Variants in SCAF11 observed in about 807,000 individuals in gnomAD.
The protein encoded by SCAF11 is SR-related CTD associated factor 11, also known as protein SCAF11.
Under a neutral mutation model 140.5 loss-of-function variants are expected in SCAF11, and 47 were observed. That is an observed-to-expected ratio of 0.33 (90% CI 0.26 to 0.43). SCAF11 has a LOEUF of 0.43. SCAF11 is among the 20% of genes least tolerant of loss of function. The probability of loss-of-function intolerance (pLI) is 1.00; values close to 1 mark genes in which losing one functional copy is unlikely to be tolerated. For missense variants in SCAF11, 1,645 were observed against 1,705.1 expected, an observed-to-expected ratio of 0.96 and a Z score of 0.62; for synonymous variants, 557 against 579.4, an observed-to-expected ratio of 0.96 and a Z score of 0.55.
intron 3 of SCAF11, chr12:45,961,375 ATAT>A (rs767832970): frequency 1.5e-5 from 11 of 711,714 alleles, no homozygotes; most frequent in Non-Finnish European, 2.9e-5. Context: ...TGGTAAACAG[ATAT>A]TATCCTATTA....
intron 1 of SCAF11, among the ~76,000 whole-genome samples, chr12:45,972,899 T>TATATATATAGATATATATATAGATATAG (rs1946119900): frequency 1.5e-5 from 1 of 64,658 alleles, no homozygotes; most frequent in Non-Finnish European, 2.7e-5. Flanking sequence ...TATAGATATA[T>TATATATATAGATATATATATAGATATAG]ATATATATAG....
At position 45,925,066 on chromosome 12, in the gene SCAF11, G is replaced by A. The variant is rs750053704; in HGVS notation, c.3568C>T (p.Leu1190=). The part of the protein sequence containing the change: ...EEETSGQDSS[L]KDQTNQQVDG... ...ACTTGCTGGTTTGTTTGGTCTTTTA[G>A]GCTAGAATCTATCAAAAGAAAAAAA... The change falls in exon 12 of 15, where the codon CTA becomes TTA. Residue 1190 remains leucine (L), a synonymous_variant. Transcript: ENST00000369367. The A allele has an allele frequency of 3.1e-6, 5 of 1,599,800 alleles. No individual in the cohort carries two copies. In the South Asian group the frequency reaches 5.5e-5, roughly 18 times the overall value.
intron 5 of SCAF11, 69 bp from the exon 6 acceptor site, chr12:45,945,382 T>C (rs1197047615): frequency 3.4e-6 from 3 of 871,646 alleles, no homozygotes; most frequent in Non-Finnish European, 5.6e-6. Flanking sequence ...TATTTTCAAC[T>C]CATTCTCCTC....
intron 1 of SCAF11, among the ~76,000 whole-genome samples, chr12:45,971,875 C>T (rs1946082303): frequency 6.6e-6 from 1 of 152,130 alleles, no homozygotes; most frequent in Non-Finnish European, 1.5e-5. Flanking sequence ...ATCTTGTTGA[C>T]TTCTGTCTTC....
At chr12:45,963,937 G>A (rs902344547) in intron 2 of SCAF11, among the ~76,000 whole-genome samples, 170 bp downstream of exon 2, 2 of 151,966 alleles carry the variant, frequency 1.3e-5, no homozygotes, top group African/African-American at 2.4e-5. Flanking sequence ...TTGATCAGTC[G>A]AAAATAAGAT....
At chr12:45,948,063 A>G (rs1340096178) in intron 5 of SCAF11, among the ~76,000 whole-genome samples, 1 of 152,124 alleles carries the variant, frequency 6.6e-6, no homozygotes, top group African/African-American at 2.4e-5. Flanking sequence ...GAAAAGAACG[A>G]ATTCTTTTAA....
At chr12:45,941,590 A>G (rs1371734298) in intron 6 of SCAF11, among the ~76,000 whole-genome samples, 2 of 152,118 alleles carry the variant, frequency 1.3e-5, no homozygotes, top group African/African-American at 2.4e-5. Context: ...AACCACCACC[A>G]TTCTACTTCC....
intron 2 of SCAF11, among the ~76,000 whole-genome samples, 165 bp downstream of exon 2, chr12:45,963,942 T>C (rs1385421500): frequency 1.3e-5 from 2 of 151,844 alleles, no homozygotes; most frequent in Non-Finnish European, 2.9e-5. Flanking sequence ...CAGTCGAAAA[T>C]AAGATATGGG....
At position 45,982,578 on chromosome 12, in the gene SCAF11, G is replaced by A. The variant is rs750899236; in HGVS notation, c.-22+7775C>T. The stretch of plus-strand genomic sequence containing the variant: ...AAATTAGCCGGGTGTAGTGGTACAC[G>A]CCTGTAATCCTAGCTACTCAGGAGA... On this transcript the variant is annotated intron_variant, in intron 1 of 14. Transcript: ENST00000369367. Among the ~76,000 whole-genome samples, 76 of 152,132 alleles carry A rather than the reference G, an allele frequency of 5.0e-4. 2 individuals are homozygous for A. Among genetic ancestry groups the A allele is most frequent in the Admixed American group, 3.1e-3 (47 of 15,274 alleles).
intron 4 of SCAF11, among the ~76,000 whole-genome samples, chr12:45,949,922 G>T (rs1000595937): frequency 2.0e-4 from 30 of 152,238 alleles, no homozygotes; most frequent in African/African-American, 5.5e-4. Context: ...TATACTGAAA[G>T]AATTTAAATG....
Position 45,922,535 on chromosome 12 carries a change from G to C in SCAF11, c.4173C>G (p.Ile1391Met). 3 of 1,599,332 alleles carry C rather than the reference G, an allele frequency of 1.9e-6. No individual in the cohort carries two copies. The highest frequency in any genetic ancestry group is 2.5e-6 in the Non-Finnish European group (3 of 1,176,914). The change falls in exon 14 of 15, where the codon ATC becomes ATG. Residue 1391 changes from isoleucine (I) to methionine (M), a missense_variant. Physicochemically the swap from Ile to Met is conservative, Grantham distance 10. Coordinates refer to ENST00000369367, the MANE Select transcript of SCAF11 (RefSeq NM_004719.3). ...EKAAQEVKLAIKPFYQNKDIT... is the reference protein window; with the variant it reads ...EKAAQEVKLAMKPFYQNKDIT... ...TATCTTTATTTTGGTAAAATGGCTT[G>C]ATGGCCAATTTTACCTCTTGTGCTG...
chr12:45,942,954 G>A (rs986062449), intron 6 of SCAF11, among the ~76,000 whole-genome samples: 1 of 146,430 alleles, frequency 6.8e-6, no homozygotes, highest in African/African-American at 2.8e-5. Context: ...TTAGGTATTT[G>A]TTAAATGTAT....
chr12:45,961,957 T>C (rs986178878), intron 2 of SCAF11, 100 bp from the exon 3 acceptor site: 5 of 780,136 alleles, frequency 6.4e-6, no homozygotes, highest in African/African-American at 1.8e-5. Flanking sequence ...AGGACCCTCC[T>C]ACTATAAAGC....
chr12:45,926,867 C>T lies in SCAF11; in HGVS notation c.2834G>A (p.Cys945Tyr), dbSNP rs751759931. Residue 945 changes from cysteine (C) to tyrosine (Y), a missense_variant, in exon 11 of 15, where the codon TGT (cysteine) becomes TAT (tyrosine). Transcript: ENST00000369367. Reference protein sequence around the residue: ...SRSHSRSPSRCRTKSKSSSFG... With the variant: ...SRSHSRSPSRYRTKSKSSSFG... Reference sequence around the variant, plus strand: ...TGATGAACTCTTACTTTTTGTTCTACATCTTGAGGGGGACCTAGAATGAGA... The same window carrying T: ...TGATGAACTCTTACTTTTTGTTCTATATCTTGAGGGGGACCTAGAATGAGA... 3 of 1,614,032 alleles carry T rather than the reference C, an allele frequency of 1.9e-6. No homozygotes were observed. Among genetic ancestry groups the T allele is most frequent in the Non-Finnish European group, 1.7e-6 (2 of 1,180,024 alleles).
In SCAF11 at chr12:45,927,403, CT is replaced by C. The variant is rs1565659690; in HGVS notation, c.2297del (p.Lys766ArgfsTer16). 6.2e-7 allele frequency: 1 copy of C among 1,613,948 alleles called. No individual in the cohort carries two copies. Among genetic ancestry groups the C allele is most frequent in the Admixed American group, 1.7e-5 (1 of 59,972 alleles). ...CAGATGGTTGAGAAACAGTTTCAAC[CT>C]TTTCATCCGCAAGATCAGAAGACGG... is the stretch of plus-strand genomic sequence containing the variant. The part of the protein sequence containing the change: ...NMPSSDLADE[K>X]VETVSQPSES... On this transcript the variant is annotated frameshift_variant, in exon 11 of 15. Coordinates refer to ENST00000369367, the MANE Select transcript of SCAF11 (RefSeq NM_004719.3). LOFTEE classifies it high-confidence loss of function.
intron 3 of SCAF11, chr12:45,953,919 T>C: frequency 1.1e-6 from 1 of 934,508 alleles, no homozygotes; most frequent in Non-Finnish European, 1.4e-6. Flanking sequence ...CTAGTTTTAG[T>C]AACAAAAAAA....
rs1465565539 is a variant in SCAF11 at position 45,922,017 on chromosome 12, C to T, written c.*31G>A. The T allele has an allele frequency of 6.3e-7, 1 of 1,592,124 alleles. No individual in the cohort carries two copies. Among genetic ancestry groups the T allele is most frequent in the East Asian group, 2.2e-5 (1 of 44,704 alleles). On this transcript the variant is annotated 3_prime_UTR_variant, in exon 15 of 15. Transcript: ENST00000369367. ...TGTTGAAATTGCACTTTGCAGATATCCTGATAATGTCCTTGACAGCGTTCC... is the reference window on the plus strand; with the variant it reads ...TGTTGAAATTGCACTTTGCAGATATTCTGATAATGTCCTTGACAGCGTTCC...
intron 3 of SCAF11, among the ~76,000 whole-genome samples, chr12:45,959,638 T>C (rs1945778111): frequency 6.6e-6 from 1 of 152,236 alleles, no homozygotes; most frequent in Admixed American, 6.5e-5. Context: ...TCTGATTCTA[T>C]TTGTGAAAGC....
At chr12:45,983,102 C>T (rs1229327306) in intron 1 of SCAF11, among the ~76,000 whole-genome samples, 1 of 152,048 alleles carries the variant, frequency 6.6e-6, no homozygotes. Context: ...TTCTTAAGTC[C>T]AATTAGGACT....
Sources: gnomAD v4.1 joint callset for allele counts (sites outside exome capture counted in the v4.1 genomes callset) on GRCh38, gnomAD v4.1.1 for gene constraint, MANE v1.5 for transcripts, NCBI Gene and HGNC (gene_info 2026-07-23, HGNC 2026-07-21) for gene names.